The following ADARB2 variants were observed in gnomAD, a reference collection of about 807,000 sequenced individuals.
ADARB2 encodes adenosine deaminase RNA specific B2 (inactive), also known as inactive double-stranded RNA-specific editase B2.
Under a neutral mutation model 62.2 loss-of-function variants are expected in ADARB2, and 25 were observed. The observed-to-expected ratio is 0.40, with a 90% CI of 0.29 to 0.56. ADARB2 has a LOEUF of 0.56. Among genes scored for constraint, ADARB2 ranks in the 20% least tolerant of loss-of-function variants. The pLI is 0.43. For missense variants in ADARB2, 1,071 were observed against 1,077.4 expected (o/e 0.99, Z 0.08); for synonymous variants, 572 against 500.8 (o/e 1.14, Z -1.90).
At chr10:1,338,458 T>C (rs1831993878) in intron 3 of ADARB2, among the ~76,000 whole-genome samples, 1 of 152,250 alleles carries the variant, frequency 6.6e-6, no homozygotes, top group Non-Finnish European at 1.5e-5. Context: ...GTTTTAACTA[T>C]TTCCTCAAAA....
intron 3 of ADARB2, among the ~76,000 whole-genome samples, chr10:1,289,686 C>A (rs912812630): frequency 6.6e-6 from 1 of 152,284 alleles, no homozygotes; most frequent in African/African-American, 2.4e-5. Flanking sequence ...CTGCCCCTCG[C>A]TTTGGTCTAT....
chr10:1,524,846 T>C (rs1226266440), intron 1 of ADARB2, among the ~76,000 whole-genome samples: 1 of 152,158 alleles, frequency 6.6e-6, no homozygotes, highest in Non-Finnish European at 1.5e-5. Context: ...TTGAGAATAA[T>C]ATTTCCAGCC....
chr10:1,659,180 C>T (rs530949020), intron 1 of ADARB2, among the ~76,000 whole-genome samples: 1 of 152,328 alleles, frequency 6.6e-6, no homozygotes, highest in South Asian at 2.1e-4. Context: ...AGTCAATCGA[C>T]ATCTGTTAAT....
intron 1 of ADARB2, among the ~76,000 whole-genome samples, chr10:1,411,486 C>T (rs951331807): frequency 6.6e-6 from 1 of 152,190 alleles, no homozygotes; most frequent in African/African-American, 2.4e-5. Context: ...TACTGCTGGA[C>T]CCAAGATTCT....
At chr10:1,505,402 A>G (rs573394392) in intron 1 of ADARB2, among the ~76,000 whole-genome samples, 1 of 150,654 alleles carries the variant, frequency 6.6e-6, no homozygotes, top group East Asian at 1.9e-4. Flanking sequence ...TTTTTGCAAC[A>G]AATAACTCAG....
chr10:1,671,119 T>C (rs533113276), intron 1 of ADARB2, among the ~76,000 whole-genome samples: 72 of 152,312 alleles, frequency 4.7e-4, no homozygotes, highest in African/African-American at 1.5e-3. Flanking sequence ...TCTTCCAGCT[T>C]GCTGCCTGTT....
intron 1 of ADARB2, among the ~76,000 whole-genome samples, chr10:1,623,201 A>G (rs1369388764): frequency 1.3e-5 from 2 of 152,248 alleles, no homozygotes; most frequent in South Asian, 2.1e-4. Context: ...ACATCATTAA[A>G]TAAATGAAAA....
intron 3 of ADARB2, among the ~76,000 whole-genome samples, chr10:1,271,794 C>T (rs1831265897): frequency 1.3e-5 from 2 of 152,234 alleles, no homozygotes; most frequent in Non-Finnish European, 2.9e-5. Context: ...AAGGCTGCAG[C>T]ACTGCCCTTT....
chr10:1,498,541 CA>C (rs945225318), intron 1 of ADARB2, among the ~76,000 whole-genome samples: 7 of 149,454 alleles, frequency 4.7e-5, no homozygotes, highest in African/African-American at 7.4e-5. Context: ...TCCTAGGATA[CA>C]AAAAAAAATT....
intron 1 of ADARB2, among the ~76,000 whole-genome samples, chr10:1,553,285 G>A (rs546934817): frequency 1.4e-4 from 21 of 152,310 alleles, no homozygotes; most frequent in African/African-American, 5.1e-4. Flanking sequence ...TGCTTTTAAT[G>A]GCTGAATTTT....
At chr10:1,693,903 A>C (rs975403881) in intron 1 of ADARB2, among the ~76,000 whole-genome samples, 12 of 152,232 alleles carry the variant, frequency 7.9e-5, no homozygotes, top group Admixed American at 5.9e-4. Flanking sequence ...CTGGTCATAC[A>C]GGAATCCTGG....
chr10:1,321,597 C>T (rs1325383086), intron 3 of ADARB2, among the ~76,000 whole-genome samples: 2 of 152,112 alleles, frequency 1.3e-5, no homozygotes, highest in Non-Finnish European at 2.9e-5. Flanking sequence ...GTTGCCCAGG[C>T]TGGTCTCAAA....
At chr10:1,287,517 A>G (rs1345012440) in intron 3 of ADARB2, among the ~76,000 whole-genome samples, 1 of 152,104 alleles carries the variant, frequency 6.6e-6, no homozygotes, top group East Asian at 1.9e-4. Context: ...GCGTGCTCTG[A>G]CGGACATCCT....
chr10:1,508,607 C>G (rs768875366), intron 1 of ADARB2, among the ~76,000 whole-genome samples: 1 of 152,152 alleles, frequency 6.6e-6, no homozygotes, highest in Non-Finnish European at 1.5e-5. Context: ...TGGTGAAACC[C>G]GTCTCCACAG....
chr10:1,542,043 C>A (rs1832438726), intron 1 of ADARB2, among the ~76,000 whole-genome samples: 1 of 52,174 alleles, frequency 1.9e-5, no homozygotes, highest in African/African-American at 7.4e-5. Flanking sequence ...TCAGTTCAGA[C>A]CCTGGATCCG....
At chr10:1,474,092 T>G (rs1304503911) in intron 1 of ADARB2, among the ~76,000 whole-genome samples, 1 of 151,630 alleles carries the variant, frequency 6.6e-6, no homozygotes, top group Admixed American at 6.6e-5. Context: ...CACCTGCTCT[T>G]CGGTTGCTGG....
chr10:1,181,418 A>G lies in ADARB2; in HGVS notation c.*1775T>C, dbSNP rs1836674136. 1 of 152,236 alleles carries G rather than the reference A, an allele frequency of 6.6e-6. No individual in the cohort carries two copies. Among genetic ancestry groups the G allele is most frequent in the African/African-American group, 2.4e-5 (1 of 41,470 alleles). The allele number at this position is 152,236 out of a possible 1,614,324, so 9.4% of individuals were successfully genotyped here. A position where few individuals can be genotyped will look rare whatever the true frequency, so the allele number is the denominator to read the frequency against. On this transcript the variant is annotated 3_prime_UTR_variant, in exon 10 of 10. Transcript: ENST00000381312. ...TAATGTGAGTCCTTTATTTGAAAAA[A>G]TGTTCTCGTATCTTTTGAAACTTTA...
chr10:1,214,047 C>T (rs916080563), intron 7 of ADARB2, among the ~76,000 whole-genome samples: 3 of 150,834 alleles, frequency 2.0e-5, no homozygotes, highest in Non-Finnish European at 4.4e-5. Context: ...TAGCTTTGCA[C>T]CTGTACCCGG....
chr10:1,496,367 A>G (rs574286504), intron 1 of ADARB2, among the ~76,000 whole-genome samples: 1 of 152,234 alleles, frequency 6.6e-6, no homozygotes, highest in East Asian at 1.9e-4. Context: ...CATCAGCACC[A>G]CCATCATCGT....
Sources: gnomAD v4.1 joint callset for allele counts (sites outside exome capture counted in the v4.1 genomes callset) on GRCh38, gnomAD v4.1.1 for gene constraint, MANE v1.5 for transcripts, NCBI Gene and HGNC (gene_info 2026-07-23, HGNC 2026-07-21) for gene names.